The following ACSS1 variants were observed in gnomAD, a reference collection of about 807,000 sequenced individuals.
The protein encoded by ACSS1 is acyl-CoA synthetase short chain family member 1, also known as acetyl-coenzyme A synthetase 2-like, mitochondrial.
A neutral mutation model predicts 75.3 loss-of-function variants in ACSS1; 42 were observed. The ratio of observed to expected loss-of-function variants is 0.56; its 90% confidence interval spans 0.44 to 0.72. ACSS1 has a LOEUF of 0.72. Among genes scored for constraint, ACSS1 ranks in the 30% least tolerant of loss-of-function variants. The pLI is 0.00. For synonymous variants in ACSS1, 380 were observed against 376.8 expected (o/e 1.01, Z -0.10); for missense variants, 782 against 935.7 (o/e 0.84, Z 2.14).
chr20:25,032,766 C>G, intron 2 of ACSS1: 4 of 970,028 alleles, frequency 4.1e-6, no homozygotes, highest in Non-Finnish European at 5.0e-6. Flanking sequence ...TGAAAATGAG[C>G]TGTCCGCATC....
intron 7 of ACSS1, among the ~76,000 whole-genome samples, chr20:25,018,452 G>A (rs1032543720): frequency 2.6e-5 from 4 of 152,232 alleles, no homozygotes; most frequent in Non-Finnish European, 4.4e-5. Flanking sequence ...CTTTCTGAGA[G>A]GTGGAGGGGA....
chr20:25,006,789 C>A lies in ACSS1; in HGVS notation c.*973G>T. ...ACCTCCAAGTCTCATCATTGGACCT[C>A]AGTGGTTCTCACCGCCCCAACCACA... On this transcript the variant is annotated 3_prime_UTR_variant, in exon 14 of 14. Transcript: ENST00000323482. 1 of 1,519,408 alleles carries A rather than the reference C, an allele frequency of 6.6e-7. No homozygotes were observed. The highest frequency in any genetic ancestry group is 1.2e-5 in the South Asian group (1 of 83,520). 94.1% of individuals were successfully genotyped at this position (1,519,408 alleles called of 1,614,324 possible).
At chr20:25,045,534 A>C (rs1439081537) in intron 2 of ACSS1, among the ~76,000 whole-genome samples, 1 of 152,206 alleles carries the variant, frequency 6.6e-6, no homozygotes, top group Non-Finnish European at 1.5e-5. Flanking sequence ...CCAGCGTCCC[A>C]ACCTCTACCA....
At chr20:25,032,745 C>A in intron 2 of ACSS1, 1 of 1,072,578 alleles carries the variant, frequency 9.3e-7, no homozygotes, top group Non-Finnish European at 1.1e-6. Context: ...ACCCGGGAAA[C>A]CACAGCAGAA....
At chr20:25,024,359 A>C (rs2088677387) in intron 3 of ACSS1, among the ~76,000 whole-genome samples, 1 of 152,232 alleles carries the variant, frequency 6.6e-6, no homozygotes, top group South Asian at 2.1e-4. Context: ...CCCCAGGAAA[A>C]GGAGGTGTCC....
intron 12 of ACSS1, chr20:25,012,186 A>G (rs960046346): frequency 7.4e-6 from 2 of 269,992 alleles, no homozygotes; most frequent in African/African-American, 2.2e-5. Context: ...ACTCTGGCAC[A>G]CACGCGTGGC....
Position 25,006,691 on chromosome 20 carries a change from G to T in ACSS1, c.*1071C>A, listed in dbSNP as rs1048577454. ...AGCAGGGAGGTAAGCACCCACTGGC[G>T]TCGTGATTTCCATTATCTTGCTAAT... On this transcript the variant is annotated 3_prime_UTR_variant, in exon 14 of 14. Coordinates refer to ENST00000323482, the MANE Select transcript of ACSS1 (RefSeq NM_032501.4). 2 of 1,023,078 alleles carry T rather than the reference G, an allele frequency of 2.0e-6. No individual in the cohort carries two copies. The highest frequency in any genetic ancestry group is 2.7e-5 in the East Asian group (1 of 37,014). 63.4% of individuals were successfully genotyped at this position (1,023,078 alleles called of 1,614,324 possible). A position where few individuals can be genotyped will look rare whatever the true frequency, so the allele number is the denominator to read the frequency against.
At chr20:25,020,259 C>A in intron 6 of ACSS1, 112 bp from the exon 7 acceptor site, 1 of 1,452,234 alleles carries the variant, frequency 6.9e-7, no homozygotes, top group Admixed American at 1.8e-5. Context: ...GCGCATATGT[C>A]CATATGAAAG....
chr20:25,050,594 T>A (rs2089161836), intron 1 of ACSS1, among the ~76,000 whole-genome samples: 2 of 150,816 alleles, frequency 1.3e-5, no homozygotes, highest in South Asian at 4.2e-4. Context: ...GCAAACGCCC[T>A]CTGCATGGCC....
chr20:25,042,501 G>T (rs748806386), intron 2 of ACSS1, among the ~76,000 whole-genome samples: 1 of 152,136 alleles, frequency 6.6e-6, no homozygotes, highest in African/African-American at 2.4e-5. Context: ...CACGACAGCC[G>T]CTGTGTCACA....
intron 3 of ACSS1, among the ~76,000 whole-genome samples, chr20:25,026,233 T>C (rs2088715171): frequency 6.6e-6 from 1 of 152,170 alleles, no homozygotes; most frequent in South Asian, 2.1e-4. Context: ...CACCTCCCAG[T>C]GGCCAACTGA....
At chr20:25,036,067 A>G (rs1428866693) in intron 2 of ACSS1, among the ~76,000 whole-genome samples, 1 of 152,224 alleles carries the variant, frequency 6.6e-6, no homozygotes, top group Admixed American at 6.5e-5. Context: ...GCACGGGGAC[A>G]TGCAGCTTTC....
chr20:25,038,305 G>T (rs1178784638), intron 2 of ACSS1, among the ~76,000 whole-genome samples: 1 of 152,136 alleles, frequency 6.6e-6, no homozygotes, highest in East Asian at 1.9e-4. Flanking sequence ...CAGAGAGCAG[G>T]GTTCCCAACA....
chr20:25,008,757 C>G (rs1212942812), intron 13 of ACSS1, among the ~76,000 whole-genome samples: 4 of 152,210 alleles, frequency 2.6e-5, no homozygotes. Flanking sequence ...CTGGAGAACC[C>G]TGGTACTGTC....
chr20:25,053,675 G>A (rs2089206647), intron 1 of ACSS1, among the ~76,000 whole-genome samples: 2 of 152,136 alleles, frequency 1.3e-5, no homozygotes, highest in Non-Finnish European at 2.9e-5. Context: ...AACGATTAGA[G>A]GCATGCCACA....
At chr20:25,037,394 C>T (rs1295016813) in intron 2 of ACSS1, among the ~76,000 whole-genome samples, 1 of 152,134 alleles carries the variant, frequency 6.6e-6, no homozygotes, top group Non-Finnish European at 1.5e-5. Context: ...TGTGCTGCTG[C>T]TCTGAGAAGC....
At chr20:25,020,230 G>A in intron 6 of ACSS1, 83 bp from the exon 7 acceptor site, 1 of 1,586,382 alleles carries the variant, frequency 6.3e-7, no homozygotes. Context: ...GACTTCCTGA[G>A]TGCTGGGCAT....
At chr20:25,019,706 C>G (rs1029981524) in intron 7 of ACSS1, among the ~76,000 whole-genome samples, 2 of 152,146 alleles carry the variant, frequency 1.3e-5, no homozygotes, top group Non-Finnish European at 2.9e-5. Flanking sequence ...CTGACCTGAC[C>G]CTTAACTTAT....
At chr20:25,018,340 C>T (rs551168448) in intron 7 of ACSS1, among the ~76,000 whole-genome samples, 1 of 152,338 alleles carries the variant, frequency 6.6e-6, no homozygotes, top group East Asian at 1.9e-4. Flanking sequence ...GAAATGTGAA[C>T]CAATAAATTT....
Sources: allele counts gnomAD v4.1 joint callset (sites outside exome capture counted in the v4.1 genomes callset), GRCh38; gene constraint gnomAD v4.1.1; transcripts MANE v1.5; gene names NCBI Gene and HGNC (gene_info 2026-07-23, HGNC 2026-07-21).